MYH13: variants seen among roughly 807,000 people sequenced by gnomAD.
MYH13 encodes the protein myosin-13.
In MYH13, 177 loss-of-function variants were observed where a neutral mutation model predicts 232.1. That is an observed-to-expected ratio of 0.76 (90% CI 0.67 to 0.86). The LOEUF (loss-of-function observed/expected upper bound fraction) is 0.86. Ranked by LOEUF, MYH13 falls within the 40% of genes least tolerant of loss-of-function variation. The probability of loss-of-function intolerance (pLI) is 0.00; values close to 1 mark genes in which losing one functional copy is unlikely to be tolerated. For missense variants in MYH13, 2,246 were observed against 2,405.9 expected (o/e 0.93, Z 1.39); for synonymous variants, 884 against 923.5 (o/e 0.96, Z 0.78).
At chr17:10,366,379 C>CTTTTTT (rs1555553015) in intron 2 of MYH13, among the ~76,000 whole-genome samples, 1 of 117,030 alleles carries the variant, frequency 8.5e-6, no homozygotes, top group African/African-American at 3.1e-5. Context: ...AGAAATAAAT[C>CTTTTTT]TGTTTTTTTT....
Position 10,320,288 on chromosome 17 carries a change from T to A in MYH13, c.3258-45A>T. 1.9e-6 allele frequency: 3 copies of A among 1,604,250 alleles called. No individual in the cohort carries two copies. In the South Asian group the frequency reaches 3.4e-5, roughly 18 times the overall value. On this transcript the variant is annotated intron_variant, in intron 25 of 40. Transcript: ENST00000252172. ...AAATAAAGAACATGAAATACAAGCCTCTTGGAGGGGGTGAAAGTTGGCTTT... is the reference window on the plus strand; with the variant it reads ...AAATAAAGAACATGAAATACAAGCCACTTGGAGGGGGTGAAAGTTGGCTTT...
Position 10,340,145 on chromosome 17 carries a change from C to T in MYH13, c.2056+5G>A. On this transcript the variant is annotated splice_donor_5th_base_variant and intron_variant, in intron 18 of 40. Transcript: ENST00000252172. The stretch of plus-strand genomic sequence containing the variant: ...AAATACTTGGCAAGATCTGCTGGTA[C>T]TCACCAGGAGTCTTGGTCTCATTGG... The T allele has an allele frequency of 6.2e-7, 1 of 1,611,540 alleles. No homozygotes were observed. Among genetic ancestry groups the T allele is most frequent in the Non-Finnish European group, 8.5e-7 (1 of 1,178,198 alleles).
chr17:10,321,753 A>G (rs1421057815), intron 23 of MYH13, 45 bp from the exon 24 acceptor site: 2 of 1,519,258 alleles, frequency 1.3e-6, no homozygotes, highest in Non-Finnish European at 8.9e-7. Flanking sequence ...CGATTATGCC[A>G]GAAGCTTCCA....
intron 24 of MYH13, among the ~76,000 whole-genome samples, chr17:10,320,831 T>C (rs1022717728): frequency 3.3e-5 from 5 of 152,238 alleles, no homozygotes; most frequent in Non-Finnish European, 7.3e-5. Context: ...TGGGGGCTTC[T>C]GTGGACAGCA....
At chr17:10,331,984 TG>T (rs1010124339) in intron 20 of MYH13, 114 bp downstream of exon 20, 4 of 1,350,332 alleles carry the variant, frequency 3.0e-6, no homozygotes, top group Non-Finnish European at 4.1e-6. Flanking sequence ...CCTGGGCGAC[TG>T]GGCAAGGACG....
intron 22 of MYH13, among the ~76,000 whole-genome samples, chr17:10,327,374 G>A (rs1054754039): frequency 6.6e-6 from 1 of 151,344 alleles, no homozygotes; most frequent in Non-Finnish European, 1.5e-5. Flanking sequence ...TTGAACTCCT[G>A]GGCTCAAGCG....
At chr17:10,352,612 A>T (rs947201479) in intron 11 of MYH13, among the ~76,000 whole-genome samples, 2 of 151,732 alleles carry the variant, frequency 1.3e-5, no homozygotes, top group Non-Finnish European at 2.9e-5. Flanking sequence ...ACAAAAAACC[A>T]AAAAAAGGCT....
chr17:10,301,604 T>A lies in MYH13; in HGVS notation c.5767A>T (p.Lys1923Ter). Residue 1923 changes from lysine (K) to a stop codon, truncating the protein, a stop_gained, in exon 40 of 41, where the codon AAG becomes TAG. Transcript: ENST00000252172. LOFTEE classifies it high-confidence loss of function. The part of the protein sequence containing the change: ...RADIAESQVN[K>*]LRAKSRDVGS... ...ACGTCTCGGCTCTTGGCCCTCAGCTTGTTGACCTGGGACTCAGCGATGTCC... is the reference window on the plus strand; with the variant it reads ...ACGTCTCGGCTCTTGGCCCTCAGCTAGTTGACCTGGGACTCAGCGATGTCC... The A allele has an allele frequency of 6.2e-7, 1 of 1,614,212 alleles. No homozygotes were observed.
At chr17:10,309,967 A>G (rs1370642875) in intron 33 of MYH13, 137 bp from the exon 34 acceptor site, 4 of 676,250 alleles carry the variant, frequency 5.9e-6, no homozygotes, top group Non-Finnish European at 8.9e-6. Flanking sequence ...TTTTTGGTAG[A>G]GACAGGGTCT....
At position 10,312,606 on chromosome 17, in the gene MYH13, T is replaced by C. The variant is rs777858413; in HGVS notation, c.4333A>G (p.Thr1445Ala). The change falls in exon 31 of 41, where the codon ACA (threonine) becomes GCA (alanine). Residue 1445 changes from threonine to alanine, a missense_variant. By Grantham distance (58) the Thr-to-Ala change is moderately conservative. Transcript: ENST00000252172. ...DLERSHTACA[T>A]LDKKQRNFDK... Reference sequence around the variant, plus strand: ...AAGTTCCTCTGCTTCTTGTCCAGTGTGGCACAGGCGGTGTGGGAGCGCTCC... The same window carrying C: ...AAGTTCCTCTGCTTCTTGTCCAGTGCGGCACAGGCGGTGTGGGAGCGCTCC... 42 of 1,613,304 alleles carry C rather than the reference T, an allele frequency of 2.6e-5. 1 individual carries two copies. The Admixed American group carries it at 6.3e-4, about 24-fold the overall frequency.
chr17:10,336,386 A>G (rs2071575399), intron 18 of MYH13, among the ~76,000 whole-genome samples: 1 of 152,124 alleles, frequency 6.6e-6, no homozygotes, highest in Non-Finnish European at 1.5e-5. Flanking sequence ...TATCACTTCC[A>G]TCCCACTCCT....
At chr17:10,320,097 G>T (rs555476106) in intron 26 of MYH13, 56 bp downstream of exon 26, 2 of 1,337,562 alleles carry the variant, frequency 1.5e-6, no homozygotes, top group Admixed American at 2.0e-5. Context: ...GAAGGAGTGA[G>T]GAGGGGCGCT....
At chr17:10,361,197 G>T (rs2071789654) in intron 5 of MYH13, among the ~76,000 whole-genome samples, 1 of 151,990 alleles carries the variant, frequency 6.6e-6, no homozygotes, top group Non-Finnish European at 1.5e-5. Context: ...ACATGGCAAG[G>T]ATTGTGATTG....
intron 7 of MYH13, 80 bp from the exon 8 acceptor site, chr17:10,357,907 A>G: frequency 7.7e-7 from 1 of 1,298,092 alleles, no homozygotes. Flanking sequence ...AACGGTGGGT[A>G]CTCTGGGCAG....
chr17:10,355,260 C>G, intron 8 of MYH13, 113 bp from the exon 9 acceptor site: 3 of 1,174,534 alleles, frequency 2.6e-6, no homozygotes, highest in Non-Finnish European at 3.7e-6. Flanking sequence ...TGCTAGAGAA[C>G]AGAACTGAAG....
chr17:10,311,956 C>A lies in MYH13; in HGVS notation c.4486G>T (p.Val1496Leu), dbSNP rs780481771. 6.2e-7 allele frequency: 1 copy of A among 1,614,008 alleles called. No individual in the cohort carries two copies. Among genetic ancestry groups the A allele is most frequent in the South Asian group, 1.1e-5 (1 of 91,084 alleles). Residue 1496 changes from valine (V) to leucine (L), a missense_variant, in exon 32 of 41, where the codon GTG becomes TTG. Physicochemically the swap from Val to Leu is conservative, Grantham distance 32 (BLOSUM62 1). Coordinates refer to ENST00000252172, the MANE Select transcript of MYH13 (RefSeq NM_003802.3). ...CGCCTCAGTGTCTCTAACTGGTCCACCACCTCCTCATAGGCATTCCTCATC... is the reference window on the plus strand; with the variant it reads ...CGCCTCAGTGTCTCTAACTGGTCCAACACCTCCTCATAGGCATTCCTCATC... ...FKMRNAYEEV[V>L]DQLETLRREN...
At chr17:10,361,991 C>T (rs1476434228) in intron 5 of MYH13, 127 bp downstream of exon 5, 4 of 1,567,698 alleles carry the variant, frequency 2.6e-6, no homozygotes, top group Non-Finnish European at 3.5e-6. Flanking sequence ...TGCTTTTCAT[C>T]CCCAAATCAT....
chr17:10,310,974 T>G (rs565099057), intron 33 of MYH13, 129 bp downstream of exon 33: 140 of 1,151,714 alleles, frequency 1.2e-4, no homozygotes, highest in Non-Finnish European at 1.6e-4. Flanking sequence ...GCCCCTGGGA[T>G]GGCTGAATGT....
rs564853143 is a variant in MYH13, at chr17:10,304,068, G to A, written c.5467-570C>T. 2.6e-5 allele frequency among the ~76,000 whole-genome samples: 4 copies of A among 152,156 alleles called. No individual in the cohort carries two copies. The highest frequency in any genetic ancestry group is 9.7e-5 in the African/African-American group (4 of 41,414). On this transcript the variant is annotated intron_variant, in intron 37 of 40. Transcript: ENST00000252172. The surrounding 1 kb of genome is among the most constrained non-coding windows in gnomAD (Gnocchi z 5.3). ...CACTCATAAGTGGGAGTTGAACAAT[G>A]AGAACACATGGTCACAGTAAAGGGA...
Sources: allele counts gnomAD v4.1 joint callset (sites outside exome capture counted in the v4.1 genomes callset), GRCh38; gene constraint gnomAD v4.1.1; non-coding constraint Gnocchi (gnomAD v3.1); transcripts MANE v1.5; gene names NCBI Gene and HGNC (gene_info 2026-07-23, HGNC 2026-07-21).